AIG1: variants seen among roughly 807,000 people sequenced by gnomAD.
AIG1 encodes androgen-induced gene 1 protein.
AIG1 carries 23 observed loss-of-function variants against 31.4 expected under a neutral mutation model. The ratio of observed to expected loss-of-function variants is 0.73; its 90% CI spans 0.53 to 1.04. AIG1 has a LOEUF of 1.04. Among genes scored for constraint, AIG1 ranks in the 50% least tolerant of loss-of-function variants. The probability of loss-of-function intolerance (pLI) is 0.00; values close to 1 mark genes in which losing one functional copy is unlikely to be tolerated. For synonymous variants in AIG1, 100 were observed against 110.5 expected, an observed-to-expected ratio of 0.90 and a Z score of 0.60; for missense variants, 274 against 295.0, an observed-to-expected ratio of 0.93 and a Z score of 0.52.
intron 1 of AIG1, among the ~76,000 whole-genome samples, chr6:143,124,119 T>C (rs1388203840): frequency 2.0e-5 from 3 of 152,240 alleles, no homozygotes; most frequent in Admixed American, 6.5e-5. Flanking sequence ...TGCTATCATA[T>C]ATAACATCTT....
At chr6:143,315,032 C>T (rs1277508658) in intron 4 of AIG1, among the ~76,000 whole-genome samples, 2 of 152,058 alleles carry the variant, frequency 1.3e-5, no homozygotes, top group Non-Finnish European at 2.9e-5. Flanking sequence ...GCTACATTTT[C>T]TAGAATTTTA....
intron 3 of AIG1, among the ~76,000 whole-genome samples, chr6:143,220,970 G>T (rs997867477): frequency 6.6e-6 from 1 of 152,072 alleles, no homozygotes; most frequent in Non-Finnish European, 1.5e-5. Flanking sequence ...TGGACTTGGG[G>T]TCTGGATATC....
intron 1 of AIG1, among the ~76,000 whole-genome samples, chr6:143,132,683 T>C (rs1239118476): frequency 1.3e-5 from 2 of 151,932 alleles, no homozygotes; most frequent in South Asian, 2.1e-4. Flanking sequence ...GGGTCTCCAA[T>C]ACACATATAT....
At chr6:143,125,684 C>T (rs9390057) in intron 1 of AIG1, among the ~76,000 whole-genome samples, 4,230 of 152,262 alleles carry the variant, frequency 0.028, 152 homozygotes, top group African/African-American at 0.079. Context: ...CATGGCGTGA[C>T]TGTACCCATT....
intron 4 of AIG1, among the ~76,000 whole-genome samples, chr6:143,324,986 T>A (rs1776489978): frequency 6.6e-6 from 1 of 152,210 alleles, no homozygotes; most frequent in Admixed American, 6.5e-5. Flanking sequence ...AATGTCATTT[T>A]TTCAACTGAC....
intron 3 of AIG1, among the ~76,000 whole-genome samples, chr6:143,278,527 G>C (rs1797110954): frequency 6.7e-6 from 1 of 148,856 alleles, no homozygotes; most frequent in Admixed American, 6.7e-5. Context: ...GCAGTGCGGT[G>C]GCGTGATCTC....
At chr6:143,216,685 A>T (rs1021522282) in intron 3 of AIG1, among the ~76,000 whole-genome samples, 1 of 152,234 alleles carries the variant, frequency 6.6e-6, no homozygotes, top group African/African-American at 2.4e-5. Context: ...TTCTCCTTCC[A>T]TGCAAACTCC....
chr6:143,170,933 A>G (rs948045309), intron 3 of AIG1, among the ~76,000 whole-genome samples: 1 of 152,082 alleles, frequency 6.6e-6, no homozygotes, highest in African/African-American at 2.4e-5. Flanking sequence ...ACAAAAAAAC[A>G]ATGAAGGAAG....
At chr6:143,075,902 T>C (rs1435794806) in intron 1 of AIG1, among the ~76,000 whole-genome samples, 1 of 152,216 alleles carries the variant, frequency 6.6e-6, no homozygotes, top group Non-Finnish European at 1.5e-5. Context: ...CATGGTTTAC[T>C]TCTAATTTAA....
chr6:143,277,232 G>A (rs902277888), intron 3 of AIG1, among the ~76,000 whole-genome samples: 4 of 152,130 alleles, frequency 2.6e-5, no homozygotes, highest in African/African-American at 9.7e-5. Flanking sequence ...GGGGTGAGAG[G>A]AAACAGGAAA....
rs550049121 is a variant in AIG1 at position 143,299,619 on chromosome 6, C to T, written c.515+15394C>T. On this transcript the variant is annotated intron_variant, in intron 4 of 5. Coordinates refer to ENST00000357847, the MANE Select transcript of AIG1 (RefSeq NM_016108.4). This position sits in a 1 kb window ranked among gnomAD's most constrained non-coding sequence, Gnocchi z 4.1. Reference sequence around the variant, plus strand: ...AGAGAAATGAGTAGCAGAGGGATTTCAAGCCACTGAGAGGGTCTGATTGAA... The same window carrying T: ...AGAGAAATGAGTAGCAGAGGGATTTTAAGCCACTGAGAGGGTCTGATTGAA... 1 of 152,346 alleles carries T rather than the reference C, an allele frequency of 6.6e-6. No homozygotes were observed. The highest frequency in any genetic ancestry group is 2.1e-4 in the South Asian group (1 of 4,828). The allele number at this position is 152,346 out of a possible 1,614,324, so 9.4% of individuals were successfully genotyped here.
At chr6:143,138,761 TG>T (rs1203725258) in intron 2 of AIG1, among the ~76,000 whole-genome samples, 2 of 151,886 alleles carry the variant, frequency 1.3e-5, no homozygotes, top group African/African-American at 4.8e-5. Context: ...GGCGTGGTGG[TG>T]GGCTCCTTTA....
At chr6:143,307,154 C>T (rs1178026819) in intron 4 of AIG1, among the ~76,000 whole-genome samples, 1 of 152,308 alleles carries the variant, frequency 6.6e-6, no homozygotes, top group East Asian at 1.9e-4. Flanking sequence ...GAATTTCCTC[C>T]TGTAGCTCGG....
chr6:143,170,757 T>G (rs899361705), intron 3 of AIG1, among the ~76,000 whole-genome samples: 1 of 151,948 alleles, frequency 6.6e-6, no homozygotes, highest in Non-Finnish European at 1.5e-5. Context: ...TTTTTAGTAC[T>G]TCATTAACTT....
intron 1 of AIG1, among the ~76,000 whole-genome samples, chr6:143,088,195 G>A (rs1562362382): frequency 6.6e-6 from 1 of 151,916 alleles, no homozygotes; most frequent in East Asian, 1.9e-4. Flanking sequence ...GATTTATTAG[G>A]TCCAATTTGA....
chr6:143,062,435 C>T (rs1009204739), intron 1 of AIG1, among the ~76,000 whole-genome samples: 4 of 152,254 alleles, frequency 2.6e-5, no homozygotes, highest in East Asian at 3.9e-4. Flanking sequence ...GTGAGGAGCC[C>T]GTGACAAGAC....
chr6:143,073,875 T>G (rs1295736894), intron 1 of AIG1, among the ~76,000 whole-genome samples: 1 of 152,218 alleles, frequency 6.6e-6, no homozygotes, highest in African/African-American at 2.4e-5. Context: ...GGGATGGTGC[T>G]AAACCATTCA....
chr6:143,151,681 G>A (rs957501526), intron 2 of AIG1, among the ~76,000 whole-genome samples: 2 of 152,256 alleles, frequency 1.3e-5, no homozygotes, highest in African/African-American at 2.4e-5. Flanking sequence ...TTATGCTAAC[G>A]AAATGATTAT....
intron 2 of AIG1, among the ~76,000 whole-genome samples, chr6:143,159,530 T>TA (rs1786129374): frequency 1.3e-5 from 2 of 152,218 alleles, no homozygotes; most frequent in African/African-American, 2.4e-5. Flanking sequence ...ATTCATAGCA[T>TA]AAAAAATTAA....
Sources: gnomAD v4.1 joint callset for allele counts (sites outside exome capture counted in the v4.1 genomes callset) on GRCh38, gnomAD v4.1.1 for gene constraint, Gnocchi (gnomAD v3.1) non-coding constraint, MANE v1.5 for transcripts, NCBI Gene and HGNC (gene_info 2026-07-23, HGNC 2026-07-21) for gene names.